ANKIB1: variants seen among roughly 807,000 people sequenced by gnomAD.
The protein encoded by ANKIB1 is ankyrin repeat and IBR domain-containing protein 1.
In ANKIB1, 43 loss-of-function variants were observed where a neutral mutation model predicts 122.1. That is an observed-to-expected ratio of 0.35 (90% confidence interval 0.28 to 0.45). The LOEUF is 0.45. Among genes scored for constraint, ANKIB1 ranks in the 20% least tolerant of loss-of-function variants. ANKIB1 has a pLI of 1.00. For synonymous variants in ANKIB1, 390 were observed against 442.0 expected (o/e 0.88, Z 1.48); for missense variants, 992 against 1,329.5 (o/e 0.75, Z 3.95).
At chr7:92,292,079 G>T (rs1802261564) in intron 1 of ANKIB1, among the ~76,000 whole-genome samples, 1 of 152,122 alleles carries the variant, frequency 6.6e-6, no homozygotes, top group East Asian at 1.9e-4. Flanking sequence ...TATTACTTAA[G>T]GTTTTGATTC....
chr7:92,357,139 G>A (rs1803832066), intron 9 of ANKIB1, among the ~76,000 whole-genome samples: 1 of 152,122 alleles, frequency 6.6e-6, no homozygotes, highest in South Asian at 2.1e-4. Flanking sequence ...TGTACATACT[G>A]GCACATTTTC....
chr7:92,326,963 C>T (rs776835431), intron 4 of ANKIB1, among the ~76,000 whole-genome samples: 22 of 152,166 alleles, frequency 1.4e-4, no homozygotes, highest in Non-Finnish European at 2.8e-4. Context: ...TGGGCATTCA[C>T]CAAGTTCTGC....
At chr7:92,371,186 T>A (rs1804243599) in intron 10 of ANKIB1, among the ~76,000 whole-genome samples, 1 of 151,918 alleles carries the variant, frequency 6.6e-6, no homozygotes, top group South Asian at 2.1e-4. Flanking sequence ...TTTTTTTTTT[T>A]TAAATTTTTT....
At chr7:92,379,366 T>G (rs948235274) in intron 11 of ANKIB1, among the ~76,000 whole-genome samples, 5 of 152,124 alleles carry the variant, frequency 3.3e-5, no homozygotes, top group African/African-American at 1.2e-4. Flanking sequence ...CACTCCAGCC[T>G]AGGTGACAGA....
At chr7:92,262,222 T>C (rs11772754) in intron 1 of ANKIB1, among the ~76,000 whole-genome samples, 14,264 of 152,262 alleles carry the variant, frequency 0.094, 889 homozygotes, top group East Asian at 0.36. Context: ...CAATAGAATG[T>C]GCTTAATGCT....
chr7:92,256,718 A>G (rs890250113), intron 1 of ANKIB1, among the ~76,000 whole-genome samples: 1 of 152,188 alleles, frequency 6.6e-6, no homozygotes. Context: ...ACTTATTACC[A>G]CTTGATTTAT....
At chr7:92,247,800 G>A (rs1801206496) in intron 1 of ANKIB1, among the ~76,000 whole-genome samples, 1 of 152,230 alleles carries the variant, frequency 6.6e-6, no homozygotes, top group African/African-American at 2.4e-5. Flanking sequence ...AAACTACTGT[G>A]TAGTGTAGAC....
intron 5 of ANKIB1, among the ~76,000 whole-genome samples, chr7:92,337,822 GTAAA>G (rs1199542637): frequency 1.3e-5 from 2 of 152,052 alleles, no homozygotes; most frequent in African/African-American, 2.4e-5. Flanking sequence ...TAAAATATGA[GTAAA>G]TAGTTATTTA....
chr7:92,358,169 G>C (rs1803863847), intron 9 of ANKIB1, among the ~76,000 whole-genome samples: 1 of 152,162 alleles, frequency 6.6e-6, no homozygotes, highest in Admixed American at 6.5e-5. Flanking sequence ...TTGAACCGAG[G>C]AGGCGGAGGT....
chr7:92,332,284 G>T (rs184532261), intron 5 of ANKIB1, among the ~76,000 whole-genome samples: 1 of 152,262 alleles, frequency 6.6e-6, no homozygotes, highest in African/African-American at 2.4e-5. Context: ...TACTATAATT[G>T]CTCTTAAAGC....
intron 11 of ANKIB1, among the ~76,000 whole-genome samples, chr7:92,385,719 TG>T (rs1804623087): frequency 6.6e-6 from 1 of 152,064 alleles, no homozygotes; most frequent in East Asian, 1.9e-4. Flanking sequence ...CATCACATAC[TG>T]GGGCCTGTCG....
intron 5 of ANKIB1, among the ~76,000 whole-genome samples, chr7:92,341,407 C>T (rs370623333): frequency 4.0e-5 from 6 of 151,344 alleles, no homozygotes; most frequent in African/African-American, 1.2e-4. Flanking sequence ...TAGTCTCATT[C>T]CAGGGAATTT....
chr7:92,359,620 A>G (rs1803898817), intron 9 of ANKIB1, among the ~76,000 whole-genome samples: 2 of 152,142 alleles, frequency 1.3e-5, no homozygotes, highest in South Asian at 2.1e-4. Context: ...TGGTATTTCT[A>G]GTTCTAGATC....
intron 1 of ANKIB1, among the ~76,000 whole-genome samples, chr7:92,253,249 A>G (rs1412562961): frequency 6.6e-6 from 1 of 152,156 alleles, no homozygotes; most frequent in African/African-American, 2.4e-5. Flanking sequence ...TAGCCTGAAT[A>G]TATTTATCAT....
intron 1 of ANKIB1, among the ~76,000 whole-genome samples, chr7:92,263,552 T>C (rs764769963): frequency 4.6e-5 from 7 of 152,308 alleles, no homozygotes; most frequent in Non-Finnish European, 8.8e-5. Context: ...TCTTCCCAGA[T>C]TTGGTAATAT....
At position 92,296,900 on chromosome 7, in the gene ANKIB1, A is replaced by G. The variant is rs73414037; in HGVS notation, c.188+1734A>G. On this transcript the variant is annotated intron_variant, in intron 2 of 19. Coordinates refer to ENST00000265742, the MANE Select transcript of ANKIB1 (RefSeq NM_019004.2). Reference sequence around the variant, plus strand: ...ATTTTTATAGGTATTTCTTTTATCTAATTTTTTTGCTTCTATCTTTCATTT... The same window carrying G: ...ATTTTTATAGGTATTTCTTTTATCTGATTTTTTTGCTTCTATCTTTCATTT... Among the ~76,000 whole-genome samples the G allele has an allele frequency of 5.5e-4, 83 of 152,112 alleles. 1 individual carries two copies. In the East Asian group the frequency reaches 8.5e-3, roughly 16 times the overall value.
At chr7:92,331,312 GGCTGGAGT>G (rs1305127868) in intron 5 of ANKIB1, among the ~76,000 whole-genome samples, 3 of 147,824 alleles carry the variant, frequency 2.0e-5, no homozygotes, top group Non-Finnish European at 4.4e-5. Flanking sequence ...TGTCAACCCA[GGCTGGAGT>G]GCAGTAGCAC....
At chr7:92,284,617 A>G (rs1015706173) in intron 1 of ANKIB1, among the ~76,000 whole-genome samples, 2 of 151,864 alleles carry the variant, frequency 1.3e-5, no homozygotes, top group African/African-American at 2.4e-5. Context: ...TTTTCTTACC[A>G]TTTTCTTTTC....
At chr7:92,337,420 T>C (rs1803312342) in intron 5 of ANKIB1, among the ~76,000 whole-genome samples, 1 of 152,192 alleles carries the variant, frequency 6.6e-6, no homozygotes, top group South Asian at 2.1e-4. Context: ...ATTTTTTAGA[T>C]TGTCTTACTT....
Sources: allele counts gnomAD v4.1 joint callset (sites outside exome capture counted in the v4.1 genomes callset), GRCh38; gene constraint gnomAD v4.1.1; transcripts MANE v1.5; gene names NCBI Gene and HGNC (gene_info 2026-07-23, HGNC 2026-07-21).